Variants in SCG5 observed in about 807,000 individuals in gnomAD.
SCG5 encodes the protein neuroendocrine protein 7B2.
SCG5 carries 18 observed loss-of-function variants against 25.7 expected under a neutral mutation model. The observed-to-expected ratio is 0.70, with a 90% CI of 0.48 to 1.04. The LOEUF (loss-of-function observed/expected upper bound fraction) is 1.04. Ranked by LOEUF, SCG5 falls within the 50% of genes least tolerant of loss-of-function variation. The pLI is 0.00. For missense variants in SCG5, 206 were observed against 259.8 expected, an observed-to-expected ratio of 0.79 and a Z score of 1.42; for synonymous variants, 101 against 91.7, an observed-to-expected ratio of 1.10 and a Z score of -0.58.
At chr15:32,655,427 C>G (rs976889173) in intron 2 of SCG5, among the ~76,000 whole-genome samples, 1 of 152,160 alleles carries the variant, frequency 6.6e-6, no homozygotes, top group Non-Finnish European at 1.5e-5. Context: ...TCCCCTTGTC[C>G]CCTTAAGTTC....
At chr15:32,691,982 C>A in intron 5 of SCG5, 1 of 1,419,664 alleles carries the variant, frequency 7.0e-7, no homozygotes, top group South Asian at 1.7e-5. Flanking sequence ...TAGTGGAACG[C>A]GCAGTCTGTA....
chr15:32,676,582 T>C (rs977190324), intron 2 of SCG5, among the ~76,000 whole-genome samples: 4 of 152,260 alleles, frequency 2.6e-5, no homozygotes, highest in African/African-American at 9.6e-5. Context: ...CTGATATGTC[T>C]AACCTTTGCA....
chr15:32,656,020 A>G (rs1453011758), intron 2 of SCG5: 3 of 152,114 alleles, frequency 2.0e-5, no homozygotes, highest in Admixed American at 2.0e-4. Flanking sequence ...TAGGATTCAC[A>G]TGGGGGTGTT....
At chr15:32,659,776 G>A (rs1322879718) in intron 2 of SCG5, among the ~76,000 whole-genome samples, 5 of 152,192 alleles carry the variant, frequency 3.3e-5, no homozygotes, top group African/African-American at 1.2e-4. Flanking sequence ...AGCAGGAATG[G>A]ATGGGCCTGC....
chr15:32,688,982 A>G (rs1316343921), intron 4 of SCG5, among the ~76,000 whole-genome samples: 2 of 142,030 alleles, frequency 1.4e-5, no homozygotes, highest in Non-Finnish European at 3.1e-5. Context: ...AAAGAAATTA[A>G]TAGTTACTCT....
intron 5 of SCG5, chr15:32,692,152 A>G: frequency 9.5e-7 from 1 of 1,050,842 alleles, no homozygotes; most frequent in Non-Finnish European, 1.1e-6. Context: ...ATAAAAACAC[A>G]GGACAGAAAC....
At chr15:32,669,435 G>GTA (rs2054379582) in intron 2 of SCG5, among the ~76,000 whole-genome samples, 1 of 151,986 alleles carries the variant, frequency 6.6e-6, no homozygotes, top group East Asian at 1.9e-4. Flanking sequence ...TCTATATCCC[G>GTA]TTATTTTTTC....
intron 5 of SCG5, among the ~76,000 whole-genome samples, chr15:32,693,089 C>A (rs1033468803): frequency 6.6e-6 from 1 of 152,128 alleles, no homozygotes; most frequent in Admixed American, 6.5e-5. Context: ...TCAAAATACA[C>A]ATAATTTACC....
At chr15:32,680,013 T>G in intron 3 of SCG5, 98 bp downstream of exon 3, 2 of 1,192,292 alleles carry the variant, frequency 1.7e-6, no homozygotes, top group Non-Finnish European at 2.4e-6. Flanking sequence ...AAATTGTTAT[T>G]TCCATTCTGA....
At chr15:32,661,497 G>A (rs2054217253) in intron 2 of SCG5, among the ~76,000 whole-genome samples, 1 of 152,168 alleles carries the variant, frequency 6.6e-6, no homozygotes, top group South Asian at 2.1e-4. Flanking sequence ...GTGCATGCCT[G>A]TAATCCCAGC....
intron 4 of SCG5, among the ~76,000 whole-genome samples, chr15:32,686,898 G>T (rs1443109972): frequency 6.6e-6 from 1 of 152,144 alleles, no homozygotes; most frequent in Non-Finnish European, 1.5e-5. Flanking sequence ...GAGGGCCAGG[G>T]GCAATTATTA....
Position 32,681,821 on chromosome 15 carries a change from AAG to A in SCG5, c.376+1910_376+1911del, listed in dbSNP as rs2054625698. ...TAAACACAATGCAGGCTGTCTCTGA[AAG>A]AGACTGTCTTAGAAAATATGCTCCT... On this transcript the variant is annotated intron_variant, in intron 3 of 5. Transcript: ENST00000300175. Among the ~76,000 whole-genome samples the A allele has an allele frequency of 2.6e-5, 4 of 152,068 alleles. No individual in the cohort carries two copies. In the East Asian group the frequency reaches 7.7e-4, roughly 29 times the overall value.
Position 32,691,774 on chromosome 15 carries a change from C to A in SCG5, c.543+11C>A. 1 of 1,611,892 alleles carries A rather than the reference C, an allele frequency of 6.2e-7. No individual in the cohort carries two copies. The highest frequency in any genetic ancestry group is 1.1e-5 in the South Asian group (1 of 90,400). On this transcript the variant is annotated intron_variant, in intron 5 of 5. Transcript: ENST00000300175. The stretch of plus-strand genomic sequence containing the variant: ...AGACGAAAGCGGAGGGTAACACGTG[C>A]CTGGCTGGATTGTTGCGGGGATGCT...
chr15:32,656,790 C>A (rs796484162), intron 2 of SCG5, among the ~76,000 whole-genome samples: 1 of 152,110 alleles, frequency 6.6e-6, no homozygotes, highest in Non-Finnish European at 1.5e-5. Flanking sequence ...AGAGAACTGT[C>A]GAAGGCGGCT....
rs550750673 is a variant in SCG5, at chr15:32,646,328, G to A, written c.226+2510G>A. Among the ~76,000 whole-genome samples, 5 of 152,260 alleles carry A rather than the reference G, an allele frequency of 3.3e-5. No individual in the cohort carries two copies. The South Asian group carries it at 6.2e-4, about 19-fold the overall frequency. ...AGGTGTCGTCTTGGCTGCAGCTTGC[G>A]TCCTCTTCCAAGCTCGTTAAGGCTG... On this transcript the variant is annotated intron_variant, in intron 2 of 5. Coordinates refer to ENST00000300175, the MANE Select transcript of SCG5 (RefSeq NM_001144757.3).
intron 1 of SCG5, 26 bp from the exon 2 acceptor site, chr15:32,643,560 G>A (rs950603009): frequency 1.3e-6 from 2 of 1,526,302 alleles, no homozygotes; most frequent in African/African-American, 2.7e-5. Flanking sequence ...TAGCCTATCA[G>A]TATACATTTG....
intron 5 of SCG5, among the ~76,000 whole-genome samples, chr15:32,694,074 C>T (rs1056609014): frequency 1.3e-5 from 2 of 152,274 alleles, no homozygotes; most frequent in African/African-American, 4.8e-5. Context: ...CATACCACTG[C>T]ACTCCAGCCT....
intron 1 of SCG5, 127 bp from the exon 2 acceptor site, chr15:32,643,459 A>G (rs2053897110): frequency 1.4e-6 from 1 of 710,078 alleles, no homozygotes; most frequent in South Asian, 1.7e-5. Context: ...CCTCCTAAGG[A>G]TTCTTTGTTA....
At chr15:32,661,542 C>G (rs1397084751) in intron 2 of SCG5, among the ~76,000 whole-genome samples, 1 of 152,118 alleles carries the variant, frequency 6.6e-6, no homozygotes, top group Non-Finnish European at 1.5e-5. Context: ...ATCACTTGAA[C>G]CCGGGAGGCA....
Sources: gnomAD v4.1 joint callset for allele counts (sites outside exome capture counted in the v4.1 genomes callset) on GRCh38, gnomAD v4.1.1 for gene constraint, MANE v1.5 for transcripts, NCBI Gene and HGNC (gene_info 2026-07-23, HGNC 2026-07-21) for gene names.